Variants in ICE2 observed in about 807,000 individuals in gnomAD.
ICE2 encodes the protein interactor of little elongation complex ELL subunit 2, also known as little elongation complex subunit 2.
Under a neutral mutation model 105.4 loss-of-function variants are expected in ICE2, and 87 were observed. The observed-to-expected ratio is 0.83, with a 90% confidence interval of 0.69 to 0.99. ICE2 has a LOEUF of 0.99. Ranked by LOEUF, ICE2 falls within the 50% of genes least tolerant of loss-of-function variation. The pLI, the probability that ICE2 is intolerant of heterozygous loss-of-function variation, is 0.00. For synonymous variants in ICE2, 399 were observed against 392.0 expected (o/e 1.02, Z -0.21); for missense variants, 1,323 against 1,146.7 (o/e 1.15, Z -2.22).
chr15:60,436,275 A>AT, intron 12 of ICE2, 48 bp from the exon 13 acceptor site: 1 of 701,290 alleles, frequency 1.4e-6, no homozygotes, highest in Non-Finnish European at 2.2e-6. Context: ...TGCAGTATTT[A>AT]GAAAAAAAAA....
chr15:60,421,908 T>A lies in ICE2; in HGVS notation c.*1726A>T, dbSNP rs2063245174. ...ACAAAAAATCAAAATGAAACAAAACTTGGTAGTTGAATATAAGTATTTTCA... is the reference window on the plus strand; with the variant it reads ...ACAAAAAATCAAAATGAAACAAAACATGGTAGTTGAATATAAGTATTTTCA... On this transcript the variant is annotated 3_prime_UTR_variant, in exon 16 of 16. Coordinates refer to ENST00000261520, the MANE Select transcript of ICE2 (RefSeq NM_024611.6). 6.6e-6 allele frequency: 1 copy of A among 152,108 alleles called. No individual in the cohort carries two copies. The highest frequency in any genetic ancestry group is 2.1e-4 in the South Asian group (1 of 4,822). 9.4% of individuals were successfully genotyped at this position (152,108 alleles called of 1,614,324 possible).
intron 3 of ICE2, 124 bp downstream of exon 3, chr15:60,475,939 A>C: frequency 3.2e-6 from 2 of 620,234 alleles, no homozygotes; most frequent in Non-Finnish European, 5.5e-6. Context: ...ACCAGTGTTA[A>C]AAGTTGTTTT....
rs984142920 is a variant in ICE2, at chr15:60,452,087, C to A, written c.1125+1516G>T. 16 of 985,130 alleles carry A rather than the reference C, an allele frequency of 1.6e-5. No individual in the cohort carries two copies. In the African/African-American group the frequency reaches 2.1e-4, roughly 13 times the overall value. 61.0% of individuals were successfully genotyped at this position (985,130 alleles called of 1,614,324 possible). A position where few individuals can be genotyped will look rare whatever the true frequency, so the allele number is the denominator to read the frequency against. Reference sequence around the variant, plus strand: ...TCAATTTTCATCCCTTTTAACCTACCTCATGTTTCTTCTTGTTACTGCCTG... The same window carrying A: ...TCAATTTTCATCCCTTTTAACCTACATCATGTTTCTTCTTGTTACTGCCTG... On this transcript the variant is annotated intron_variant, in intron 9 of 15. Transcript: ENST00000261520.
In ICE2 at chr15:60,421,994, T is replaced by C. The variant is rs1335596288; in HGVS notation, c.*1640A>G. 1 of 86,968 alleles carries C rather than the reference T, an allele frequency of 1.1e-5. No homozygotes were observed. Among genetic ancestry groups the C allele is most frequent in the Admixed American group, 1.3e-4 (1 of 7,828 alleles). 5.4% of individuals were successfully genotyped at this position (86,968 alleles called of 1,614,324 possible). On this transcript the variant is annotated 3_prime_UTR_variant, in exon 16 of 16. Transcript: ENST00000261520. ...TTTCTCAGAAATTAGGCCAAAAGAA[T>C]AGCTATTCTTTACACAGAATAGCTA...
chr15:60,436,818 T>TTTGAA (rs1566975019), intron 12 of ICE2, among the ~76,000 whole-genome samples: 1 of 152,052 alleles, frequency 6.6e-6, no homozygotes, highest in Non-Finnish European at 1.5e-5. Flanking sequence ...ATATGTATTT[T>TTTGAA]TATGTTAATA....
intron 5 of ICE2, among the ~76,000 whole-genome samples, chr15:60,465,676 A>G (rs576525135): frequency 3.6e-4 from 48 of 132,038 alleles, no homozygotes; most frequent in South Asian, 1.9e-3. Context: ...ATTTAGACTG[A>G]TATTTATAAA....
intron 5 of ICE2, among the ~76,000 whole-genome samples, chr15:60,461,323 T>A (rs2064270509): frequency 6.6e-6 from 1 of 152,160 alleles, no homozygotes; most frequent in South Asian, 2.1e-4. Context: ...GGAGTTGTAT[T>A]CAGACTATAT....
In ICE2 at chr15:60,420,139, A is replaced by G. The variant is rs567855595; in HGVS notation, c.*3495T>C. ...ATAGCACACAAACCTAGAATCCAAAAGTAGAAATGACTAAAAAAAAAAATG... is the reference window on the plus strand; with the variant it reads ...ATAGCACACAAACCTAGAATCCAAAGGTAGAAATGACTAAAAAAAAAAATG... On this transcript the variant is annotated 3_prime_UTR_variant, in exon 16 of 16. Coordinates refer to ENST00000261520, the MANE Select transcript of ICE2 (RefSeq NM_024611.6). 49 of 113,958 alleles carry G rather than the reference A, an allele frequency of 4.3e-4. No individual in the cohort carries two copies. The highest frequency in any genetic ancestry group is 1.6e-3 in the African/African-American group (45 of 28,754). 7.1% of individuals were successfully genotyped at this position (113,958 alleles called of 1,614,324 possible).
intron 15 of ICE2, among the ~76,000 whole-genome samples, chr15:60,426,467 A>G (rs1215680452): frequency 6.6e-6 from 1 of 152,242 alleles, no homozygotes; most frequent in Non-Finnish European, 1.5e-5. Flanking sequence ...TATTTAAACA[A>G]AGACAAAATT....
intron 9 of ICE2, chr15:60,451,424 A>G (rs2063964090): frequency 3.1e-6 from 3 of 966,144 alleles, no homozygotes; most frequent in South Asian, 4.8e-5. Flanking sequence ...ATAAAATTAG[A>G]TATCATTAAG....
chr15:60,447,634 C>T (rs1326351221), intron 11 of ICE2: 1 of 171,978 alleles, frequency 5.8e-6, no homozygotes, highest in African/African-American at 2.4e-5. Flanking sequence ...GCCTGTGACC[C>T]ATCATACGAG....
chr15:60,449,714 C>G lies in ICE2; in HGVS notation c.1253G>C (p.Ser418Thr). The change falls in exon 10 of 16, where the codon AGT (serine) becomes ACT (threonine). Residue 418 changes from serine to threonine, a missense_variant. Transcript: ENST00000261520. The stretch of plus-strand genomic sequence containing the variant: ...AGGTACTGTGGAAGTACTTGCTGGA[C>G]TTGGTGATTTTGATACTTTGGTGGT... The part of the protein sequence containing the change: ...VTTTKVSKSP[S>T]PASTSTVPNM... 6.2e-7 allele frequency: 1 copy of G among 1,614,128 alleles called. No homozygotes were observed. The highest frequency in any genetic ancestry group is 2.2e-5 in the East Asian group (1 of 44,886).
chr15:60,451,129 A>T, intron 9 of ICE2: 1 of 797,016 alleles, frequency 1.3e-6, no homozygotes, highest in Non-Finnish European at 1.5e-6. Flanking sequence ...CAAACTGAAA[A>T]ATAAAAGAAA....
chr15:60,462,460 T>A (rs1026356154), intron 5 of ICE2, among the ~76,000 whole-genome samples: 6 of 152,204 alleles, frequency 3.9e-5, no homozygotes, highest in Non-Finnish European at 7.3e-5. Flanking sequence ...CATATGTTAA[T>A]TAGTCCGGTT....
At chr15:60,429,545 T>C (rs8031979) in intron 14 of ICE2, among the ~76,000 whole-genome samples, 41,417 of 152,116 alleles carry the variant, frequency 0.27, 5,968 homozygotes, top group Middle Eastern at 0.45. Context: ...GGGATATGAA[T>C]AAATATATTG....
chr15:60,424,743 T>C (rs985710297), intron 15 of ICE2, among the ~76,000 whole-genome samples: 2 of 152,146 alleles, frequency 1.3e-5, no homozygotes, highest in African/African-American at 2.4e-5. Flanking sequence ...TGACCTCAAG[T>C]GATCTGCCCG....
chr15:60,435,971 A>G (rs2063578068), intron 13 of ICE2, among the ~76,000 whole-genome samples, 172 bp downstream of exon 13: 1 of 152,190 alleles, frequency 6.6e-6, no homozygotes, highest in Non-Finnish European at 1.5e-5. Context: ...AGACTGTCTC[A>G]AACACACAAA....
intron 5 of ICE2, among the ~76,000 whole-genome samples, chr15:60,459,421 A>G (rs2064212850): frequency 6.6e-6 from 1 of 152,222 alleles, no homozygotes. Flanking sequence ...AAATACAATG[A>G]TCTTACTAAA....
chr15:60,465,876 T>G (rs1025622805), intron 5 of ICE2, among the ~76,000 whole-genome samples: 3 of 151,362 alleles, frequency 2.0e-5, no homozygotes, highest in Admixed American at 2.0e-4. Context: ...CTCAGTCTCC[T>G]GAGTAGCTGG....
Sources: allele counts gnomAD v4.1 joint callset (sites outside exome capture counted in the v4.1 genomes callset), GRCh38; gene constraint gnomAD v4.1.1; transcripts MANE v1.5; gene names NCBI Gene and HGNC (gene_info 2026-07-23, HGNC 2026-07-21).